Variants in FLVCR2 observed in about 807,000 individuals in gnomAD.
FLVCR2 encodes the protein FLVCR choline and putative heme transporter 2, also known as choline/ethanolamine transporter FLVCR2.
In FLVCR2, 38 loss-of-function variants were observed where a neutral mutation model predicts 48.9. That is an observed-to-expected ratio of 0.78 (90% CI 0.60 to 1.02). The LOEUF (loss-of-function observed/expected upper bound fraction) is 1.02, where lower values mean the gene tolerates loss of function less well. Ranked by LOEUF, FLVCR2 falls within the 50% of genes least tolerant of loss-of-function variation. The probability of loss-of-function intolerance (pLI) is 0.00; values close to 1 mark genes in which losing one functional copy is unlikely to be tolerated. For synonymous variants in FLVCR2, 255 were observed against 257.0 expected, an observed-to-expected ratio of 0.99 and a Z score of 0.07; for missense variants, 664 against 663.3, an observed-to-expected ratio of 1.00 and a Z score of -0.01.
In FLVCR2 at chr14:75,642,905, A is replaced by C. The variant is rs930741192; in HGVS notation, c.1509+1007A>C. Among the ~76,000 whole-genome samples the C allele has an allele frequency of 1.3e-4, 20 of 152,204 alleles. 1 individual carries two copies. Among genetic ancestry groups the C allele is most frequent in the Admixed American group, 1.2e-3 (19 of 15,282 alleles). ...GAGACACAGTCTTGCTCCGTCACCT[A>C]GGCTGGAATGCAGTGGTACAATCTC... is the stretch of plus-strand genomic sequence containing the variant. On this transcript the variant is annotated intron_variant, in intron 9 of 9. Coordinates refer to ENST00000238667, the MANE Select transcript of FLVCR2 (RefSeq NM_017791.3).
intron 9 of FLVCR2, among the ~76,000 whole-genome samples, chr14:75,644,301 T>G (rs754029770): frequency 1.3e-5 from 2 of 152,228 alleles, no homozygotes; most frequent in Non-Finnish European, 2.9e-5. Context: ...TATATTTTGT[T>G]TTCTACCCTG....
intron 1 of FLVCR2, among the ~76,000 whole-genome samples, chr14:75,594,139 C>G (rs985912382): frequency 6.6e-6 from 1 of 152,214 alleles, no homozygotes; most frequent in Non-Finnish European, 1.5e-5. Context: ...ATGGCTTTTA[C>G]TCCAGTTTCC....
intron 1 of FLVCR2, among the ~76,000 whole-genome samples, chr14:75,588,736 C>T (rs1888811995): frequency 6.6e-6 from 1 of 152,192 alleles, no homozygotes; most frequent in South Asian, 2.1e-4. Flanking sequence ...GCCTCGGCCT[C>T]CCAAAGTGTT....
At chr14:75,584,166 G>A (rs1211906098) in intron 1 of FLVCR2, among the ~76,000 whole-genome samples, 2 of 152,208 alleles carry the variant, frequency 1.3e-5, no homozygotes, top group Admixed American at 6.5e-5. Context: ...TGTTTTGAAG[G>A]TGCCCCTGGG....
intron 1 of FLVCR2, among the ~76,000 whole-genome samples, chr14:75,607,361 AT>A (rs897216832): frequency 1.3e-5 from 2 of 152,308 alleles, no homozygotes; most frequent in East Asian, 1.9e-4. Context: ...TGCAATTAAA[AT>A]TTTTTTAAGA....
intron 3 of FLVCR2, chr14:75,633,100 G>A (rs934386376): frequency 1.3e-5 from 8 of 628,974 alleles, no homozygotes; most frequent in Non-Finnish European, 8.5e-6. Context: ...TGCTCTTTAG[G>A]ATCTCTTCTA....
chr14:75,628,696 C>T (rs567408854), intron 3 of FLVCR2, among the ~76,000 whole-genome samples: 4 of 152,262 alleles, frequency 2.6e-5, no homozygotes, highest in Non-Finnish European at 5.9e-5. Flanking sequence ...AATGGGAGGT[C>T]TGAGTTTTGG....
rs1015274736 is a variant in FLVCR2, at chr14:75,597,804, A to G, written c.669+18163A>G. 3.9e-5 allele frequency among the ~76,000 whole-genome samples: 6 copies of G among 152,068 alleles called. No individual in the cohort carries two copies. In the East Asian group the frequency reaches 1.2e-3, roughly 29 times the overall value. ...AGGCTGGTCTTGAACTCGCGACCTC[A>G]GGTGATCCGCCCATCTCAGCCTCCC... On this transcript the variant is annotated intron_variant, in intron 1 of 9. Transcript: ENST00000238667.
chr14:75,589,621 A>T (rs759398759), intron 1 of FLVCR2, among the ~76,000 whole-genome samples: 7 of 152,154 alleles, frequency 4.6e-5, no homozygotes, highest in African/African-American at 1.7e-4. Flanking sequence ...TCCACTAGGC[A>T]TTACCCTTGT....
At chr14:75,598,073 G>A (rs1462477513) in intron 1 of FLVCR2, among the ~76,000 whole-genome samples, 1 of 151,510 alleles carries the variant, frequency 6.6e-6, no homozygotes, top group South Asian at 2.1e-4. Context: ...TTGAACTCCT[G>A]GCCTCAAGTT....
chr14:75,636,100 G>T (rs780631177), intron 5 of FLVCR2, among the ~76,000 whole-genome samples: 51 of 152,142 alleles, frequency 3.4e-4, no homozygotes, highest in Non-Finnish European at 4.9e-4. Context: ...AGTTAGCACT[G>T]GCTGGCGGGG....
chr14:75,634,355 G>T (rs570433104), intron 4 of FLVCR2, among the ~76,000 whole-genome samples: 34 of 152,094 alleles, frequency 2.2e-4, no homozygotes, highest in Non-Finnish European at 4.3e-4. Context: ...ATTTCATTGT[G>T]CCTGTTTCTT....
At chr14:75,580,747 A>C (rs1374338675) in intron 1 of FLVCR2, among the ~76,000 whole-genome samples, 1 of 152,180 alleles carries the variant, frequency 6.6e-6, no homozygotes, top group African/African-American at 2.4e-5. Context: ...AGGGTGGGGG[A>C]AATTACAAAG....
intron 1 of FLVCR2, among the ~76,000 whole-genome samples, chr14:75,581,974 A>T (rs1255767818): frequency 1.3e-5 from 2 of 152,216 alleles, no homozygotes; most frequent in African/African-American, 4.8e-5. Flanking sequence ...TTGGTCCAAG[A>T]ACCGTTTGCC....
rs1433330898 is a variant in FLVCR2, at chr14:75,636,075, G to A, written c.1124+1062G>A. On this transcript the variant is annotated intron_variant, in intron 5 of 9. Coordinates refer to ENST00000238667, the MANE Select transcript of FLVCR2 (RefSeq NM_017791.3). The stretch of plus-strand genomic sequence containing the variant: ...CCCTTGTGATTTTCCAGTGCTCCCC[G>A]TTCACTGGGTACTCAGTTAGCACTG... Among the ~76,000 whole-genome samples, 12 of 152,230 alleles carry A rather than the reference G, an allele frequency of 7.9e-5. 2 individuals are homozygous for A. In the Middle Eastern group the frequency reaches 0.024, roughly 302 times the overall value.
Position 75,624,729 on chromosome 14 carries a change from T to A in FLVCR2, c.929T>A (p.Phe310Tyr), listed in dbSNP as rs1889855129. 3.1e-6 allele frequency: 5 copies of A among 1,614,184 alleles called. No homozygotes were observed. Among genetic ancestry groups the A allele is most frequent in the Non-Finnish European group, 4.2e-6 (5 of 1,180,012 alleles). ...SIARLFKNLN[F>Y]VLLVITYGLN... ...GCCCGGCTCTTCAAAAATCTCAACT[T>A]TGTGCTGCTTGTCATCACCTATGGT... is the stretch of plus-strand genomic sequence containing the variant. The change falls in exon 3 of 10, where the codon TTT becomes TAT. Residue 310 changes from phenylalanine to tyrosine, a missense_variant. Coordinates refer to ENST00000238667, the MANE Select transcript of FLVCR2 (RefSeq NM_017791.3).
rs111809950 is a variant in FLVCR2, at chr14:75,617,949, G to T, written c.670-4130G>T. ...CAGGGCAGAGAGAGATTCTAGTCCA[G>T]GTAGAGGAGCTGGTGCAAACTCCCC... is the stretch of plus-strand genomic sequence containing the variant. On this transcript the variant is annotated intron_variant, in intron 1 of 9. Transcript: ENST00000238667. 1.1e-4 allele frequency among the ~76,000 whole-genome samples: 16 copies of T among 152,326 alleles called. 1 individual carries two copies. Among genetic ancestry groups the T allele is most frequent in the African/African-American group, 3.9e-4 (16 of 41,558 alleles).
chr14:75,608,544 A>G (rs1482074051), intron 1 of FLVCR2, among the ~76,000 whole-genome samples: 6 of 152,186 alleles, frequency 3.9e-5, no homozygotes, highest in African/African-American at 7.2e-5. Flanking sequence ...CTCAGGACAT[A>G]GGCCTGGGAG....
chr14:75,579,517 T>A lies in FLVCR2; in HGVS notation c.545T>A (p.Val182Glu). ...LKPHLFPVTV[V>E]GQLICSVAQV... is the part of the protein sequence containing the mutation. ...CCGCATCTCTTTCCGGTCACCGTGG[T>A]GGGCCAGCTCATCTGCTCTGTGGCC... The change falls in exon 1 of 10, where the codon GTG becomes GAG. Residue 182 changes from valine (V) to glutamate (E), a missense_variant. Coordinates refer to ENST00000238667, the MANE Select transcript of FLVCR2 (RefSeq NM_017791.3). 6.2e-7 allele frequency: 1 copy of A among 1,613,108 alleles called. No homozygotes were observed. Among genetic ancestry groups the A allele is most frequent in the Non-Finnish European group, 8.5e-7 (1 of 1,179,322 alleles).
Sources: allele counts gnomAD v4.1 joint callset (sites outside exome capture counted in the v4.1 genomes callset), GRCh38; gene constraint gnomAD v4.1.1; transcripts MANE v1.5; gene names NCBI Gene and HGNC (gene_info 2026-07-23, HGNC 2026-07-21).